PPFIBP2: variants seen among roughly 807,000 people sequenced by gnomAD.
PPFIBP2 encodes liprin-beta-2.
A neutral mutation model predicts 118.3 loss-of-function variants in PPFIBP2; 118 were observed. The observed-to-expected ratio is 1.00, with a 90% CI of 0.86 to 1.16. The LOEUF (loss-of-function observed/expected upper bound fraction) is 1.16. Among genes scored for constraint, PPFIBP2 ranks in the 50% most tolerant of loss-of-function variants. The pLI is 0.00. For missense variants in PPFIBP2, 1,195 were observed against 1,073.1 expected, an observed-to-expected ratio of 1.11 and a Z score of -1.59; for synonymous variants, 414 against 397.4, an observed-to-expected ratio of 1.04 and a Z score of -0.50.
chr11:7,647,214 T>A (rs1203891434), intron 17 of PPFIBP2, among the ~76,000 whole-genome samples: 1 of 152,228 alleles, frequency 6.6e-6, no homozygotes, highest in East Asian at 1.9e-4. Flanking sequence ...AAGGAATCTT[T>A]CTGGTCTTTG....
At position 7,625,848 on chromosome 11, in the gene PPFIBP2, C is replaced by T; in HGVS notation, c.783C>T (p.Leu261=). 1 of 1,614,250 alleles carries T rather than the reference C, an allele frequency of 6.2e-7. No homozygotes were observed. The highest frequency in any genetic ancestry group is 8.5e-7 in the Non-Finnish European group (1 of 1,180,044). Residue 261 remains leucine (L), a synonymous_variant, in exon 8 of 24, where the codon CTC becomes CTT. Transcript: ENST00000299492. ...AAATTGAGCGTCTGCACAGCCAGCTCTCCCGGACAGCAGCTCTCCACAGTG... is the reference window on the plus strand; with the variant it reads ...AAATTGAGCGTCTGCACAGCCAGCTTTCCCGGACAGCAGCTCTCCACAGTG... ...DAEIERLHSQ[L]SRTAALHSES...
intron 1 of PPFIBP2, among the ~76,000 whole-genome samples, chr11:7,541,891 C>G (rs1476165183): frequency 6.6e-6 from 1 of 152,210 alleles, no homozygotes; most frequent in Non-Finnish European, 1.5e-5. Flanking sequence ...GCACACTTGA[C>G]TCTGCTCTCT....
At chr11:7,643,489 A>C (rs904125292) in intron 17 of PPFIBP2, among the ~76,000 whole-genome samples, 2 of 152,234 alleles carry the variant, frequency 1.3e-5, no homozygotes, top group Admixed American at 1.3e-4. Flanking sequence ...AAAAAACTGC[A>C]GTTCCAGCCA....
chr11:7,535,127 G>A lies in PPFIBP2; in HGVS notation c.-36-14313G>A, dbSNP rs1328043855. ...TTCCCAGGGGAGGAAATCCTGGAAA[G>A]AGAGGAAGTTAGTATCCTCCCATTG... On this transcript the variant is annotated intron_variant, in intron 1 of 23. Transcript: ENST00000299492. Among the ~76,000 whole-genome samples, 3 of 152,218 alleles carry A rather than the reference G, an allele frequency of 2.0e-5. No individual in the cohort carries two copies. In the East Asian group the frequency reaches 5.8e-4, roughly 29 times the overall value.
At position 7,616,476 on chromosome 11, in the gene PPFIBP2, G is replaced by A. The variant is rs1848662982; in HGVS notation, c.619-4459G>A. The stretch of plus-strand genomic sequence containing the variant: ...TCAAGGAGTGAGTCTCGTCAGATTG[G>A]CCTTATCGGTTTGGCCGGGAATGTG... On this transcript the variant is annotated intron_variant, in intron 6 of 23. Coordinates refer to ENST00000299492, the MANE Select transcript of PPFIBP2 (RefSeq NM_003621.5). This position sits in a 1 kb window ranked among gnomAD's most constrained non-coding sequence, Gnocchi z 5.2. 6.6e-6 allele frequency among the ~76,000 whole-genome samples: 1 copy of A among 152,214 alleles called. No individual in the cohort carries two copies.
chr11:7,555,500 A>G (rs1334610622), intron 2 of PPFIBP2, among the ~76,000 whole-genome samples: 2 of 152,238 alleles, frequency 1.3e-5, no homozygotes, highest in Non-Finnish European at 2.9e-5. Flanking sequence ...TACTCTGAAC[A>G]GTCCTTGACT....
intron 11 of PPFIBP2, 128 bp downstream of exon 11, chr11:7,631,156 GTGCCCCTCAGGCTGTGATGGGGA>G: frequency 1.4e-6 from 1 of 691,484 alleles, no homozygotes; most frequent in Non-Finnish European, 2.6e-6. Context: ...AATTAATATA[GTGCCCCTCAGGCTGTGATGGGGA>G]TGGGCGAGCA....
chr11:7,579,006 TG>T (rs1856858046), intron 3 of PPFIBP2, among the ~76,000 whole-genome samples: 1 of 150,668 alleles, frequency 6.6e-6, no homozygotes, highest in Non-Finnish European at 1.5e-5. Context: ...GTTTGTGTGC[TG>T]GGGGACTTGT....
At chr11:7,665,682 G>A in the PPFIBP2 span, 8 of 1,174,330 alleles carry the variant, frequency 6.8e-6, no homozygotes, top group Non-Finnish European at 9.4e-6. Flanking sequence ...CTGTACTACT[G>A]CTCCCTGCAA....
chr11:7,549,657 A>AT, intron 2 of PPFIBP2, 118 bp downstream of exon 2: 1 of 1,004,302 alleles, frequency 1.0e-6, no homozygotes, highest in Non-Finnish European at 1.4e-6. Context: ...TGTTATATTT[A>AT]TTTTTCAGTG....
chr11:7,581,837 ATAGAT>A (rs1389236138), intron 3 of PPFIBP2, among the ~76,000 whole-genome samples: 7 of 150,998 alleles, frequency 4.6e-5, no homozygotes, highest in African/African-American at 1.5e-4. Context: ...AGATAGATAG[ATAGAT>A]TTTTTTTTTT....
At chr11:7,596,861 G>C (rs1293649493) in intron 4 of PPFIBP2, among the ~76,000 whole-genome samples, 3 of 152,164 alleles carry the variant, frequency 2.0e-5, no homozygotes, top group Non-Finnish European at 2.9e-5. Context: ...TGCATAATTT[G>C]AATGACTTCC....
At chr11:7,646,521 A>C (rs980391740) in intron 17 of PPFIBP2, among the ~76,000 whole-genome samples, 1 of 152,268 alleles carries the variant, frequency 6.6e-6, no homozygotes, top group African/African-American at 2.4e-5. Flanking sequence ...AGTTGTGGAC[A>C]TACAAAGAAG....
At chr11:7,577,848 G>C (rs930840247) in intron 3 of PPFIBP2, among the ~76,000 whole-genome samples, 1 of 152,198 alleles carries the variant, frequency 6.6e-6, no homozygotes, top group East Asian at 1.9e-4. Context: ...ACATTCTAGT[G>C]AATGAGCCTC....
At chr11:7,552,520 G>T (rs1853107820) in intron 2 of PPFIBP2, among the ~76,000 whole-genome samples, 1 of 152,130 alleles carries the variant, frequency 6.6e-6, no homozygotes, top group Non-Finnish European at 1.5e-5. Flanking sequence ...ATTGCTCTCT[G>T]CATCTGTTCT....
In PPFIBP2 at chr11:7,531,583, C is replaced by T. The variant is rs568114017; in HGVS notation, c.-37+17462C>T. Among the ~76,000 whole-genome samples, 61 of 152,288 alleles carry T rather than the reference C, an allele frequency of 4.0e-4. 1 individual carries two copies. The South Asian group carries it at 0.012, about 29-fold the overall frequency. On this transcript the variant is annotated intron_variant, in intron 1 of 23. Transcript: ENST00000299492. ...CCTGGATTAAGAGGGAAGGGGAACA[C>T]CAGTGGGTCAGGATAGAGGCCGACA...
chr11:7,627,300 G>C (rs1396058421), intron 8 of PPFIBP2, among the ~76,000 whole-genome samples: 1 of 152,174 alleles, frequency 6.6e-6, no homozygotes, highest in Non-Finnish European at 1.5e-5. Flanking sequence ...GCTACCTAGA[G>C]CCTAAATAAT....
chr11:7,645,576 G>A (rs1852935761), intron 17 of PPFIBP2, among the ~76,000 whole-genome samples: 1 of 152,230 alleles, frequency 6.6e-6, no homozygotes, highest in South Asian at 2.1e-4. Flanking sequence ...TGCCCTGGCT[G>A]AGGATATGGG....
At chr11:7,532,752 G>A (rs759480904) in intron 1 of PPFIBP2, among the ~76,000 whole-genome samples, 2 of 152,210 alleles carry the variant, frequency 1.3e-5, no homozygotes, top group Non-Finnish European at 2.9e-5. Context: ...ACACAGGCCT[G>A]TCTTTAAAGA....
Sources: allele counts gnomAD v4.1 joint callset (sites outside exome capture counted in the v4.1 genomes callset), GRCh38; gene constraint gnomAD v4.1.1; non-coding constraint Gnocchi (gnomAD v3.1); transcripts MANE v1.5; gene names NCBI Gene and HGNC (gene_info 2026-07-23, HGNC 2026-07-21).